SCN11A: variants seen among roughly 807,000 people sequenced by gnomAD.
SCN11A encodes sodium voltage-gated channel alpha subunit 11, also known as sodium channel protein type 11 subunit alpha.
A neutral mutation model predicts 162.2 loss-of-function variants in SCN11A; 122 were observed. That is an observed-to-expected ratio of 0.75 (90% confidence interval 0.65 to 0.87). The LOEUF (loss-of-function observed/expected upper bound fraction) is 0.87, where lower values mean the gene tolerates loss of function less well. Ranked by LOEUF, SCN11A falls within the 40% of genes least tolerant of loss-of-function variation. The pLI is 0.00. For missense variants in SCN11A, 2,015 were observed against 2,181.6 expected, an observed-to-expected ratio of 0.92 and a Z score of 1.52; for synonymous variants, 758 against 751.5, an observed-to-expected ratio of 1.01 and a Z score of -0.14.
chr3:38,920,843 A>G (rs2066037873), intron 10 of SCN11A, among the ~76,000 whole-genome samples: 1 of 152,200 alleles, frequency 6.6e-6, no homozygotes, highest in South Asian at 2.1e-4. Flanking sequence ...GGGATGGGAC[A>G]GCATAGAATT....
chr3:38,946,872 G>A lies in SCN11A; in HGVS notation c.303C>T (p.Tyr101=). 6.2e-7 allele frequency: 1 copy of A among 1,613,494 alleles called. No individual in the cohort carries two copies. The highest frequency in any genetic ancestry group is 8.5e-7 in the Non-Finnish European group (1 of 1,179,752). Residue 101 remains tyrosine (Y), a synonymous_variant, in exon 6 of 30, where the codon TAC becomes TAT. Transcript: ENST00000302328. Reference sequence around the variant, plus strand: ...ACAAGGCATGCTTGGCACTGAAGCGGTAGATTGTCCTCTTTCTGTTTAACA... The same window carrying A: ...ACAAGGCATGCTTGGCACTGAAGCGATAGATTGTCCTCTTTCTGTTTAACA... The part of the protein sequence containing the change: ...FMVLNRKRTI[Y]RFSAKHALFI...
chr3:38,977,444 G>A (rs2125589120), intron 2 of SCN11A, among the ~76,000 whole-genome samples: 1 of 152,288 alleles, frequency 6.6e-6, no homozygotes, highest in East Asian at 1.9e-4. Context: ...AGTTGTAGAT[G>A]GTAGTAATTT....
chr3:39,007,354 T>C (rs1381927223), intron 2 of SCN11A, among the ~76,000 whole-genome samples: 2 of 152,316 alleles, frequency 1.3e-5, no homozygotes, highest in African/African-American at 2.4e-5. Context: ...TGTTATAACA[T>C]TGGGTCTTAG....
intron 7 of SCN11A, among the ~76,000 whole-genome samples, chr3:38,934,153 C>A (rs1277638052): frequency 2.6e-5 from 4 of 152,152 alleles, no homozygotes; most frequent in South Asian, 2.1e-4. Context: ...GAAATAAAAT[C>A]CTTTACAGAC....
intron 19 of SCN11A, among the ~76,000 whole-genome samples, chr3:38,888,644 G>A (rs2065441841): frequency 6.6e-6 from 1 of 152,196 alleles, no homozygotes; most frequent in South Asian, 2.1e-4. Flanking sequence ...GTTCTCCCTA[G>A]GGAAATAAGC....
In SCN11A at chr3:38,950,256, T is replaced by A. The variant is rs1299725434; in HGVS notation, c.107A>T (p.Glu36Val). 1 of 1,613,938 alleles carries A rather than the reference T, an allele frequency of 6.2e-7. No homozygotes were observed. Reference sequence around the variant, plus strand: ...TGTCTGGTCTTTAGACTTCTTTTTCTCCTTTTGGATGGCAATCCGCTTCTC... The same window carrying A: ...TGTCTGGTCTTTAGACTTCTTTTTCACCTTTTGGATGGCAATCCGCTTCTC... ...AIEKRIAIQK[E>V]KKKSKDQTGE... Residue 36 changes from glutamate (E) to valine (V), a missense_variant, in exon 5 of 30, where the codon GAG (glutamate) becomes GTG (valine). Coordinates refer to ENST00000302328, the MANE Select transcript of SCN11A (RefSeq NM_001349253.2).
intron 7 of SCN11A, among the ~76,000 whole-genome samples, chr3:38,938,515 T>TATATATAC (rs1193965277): frequency 7.8e-4 from 9 of 11,550 alleles, no homozygotes; most frequent in African/African-American, 3.0e-3. Flanking sequence ...ATATCATATA[T>TATATATAC]ATATATATAT....
chr3:38,986,692 G>C (rs879403644), intron 2 of SCN11A, among the ~76,000 whole-genome samples: 1 of 152,090 alleles, frequency 6.6e-6, no homozygotes, highest in Admixed American at 6.5e-5. Context: ...ATGAGCCAGA[G>C]ATCAACCATG....
intron 2 of SCN11A, among the ~76,000 whole-genome samples, chr3:38,979,544 A>C (rs1042224026): frequency 7.9e-5 from 12 of 152,242 alleles, no homozygotes; most frequent in Admixed American, 1.3e-4. Flanking sequence ...ACAGATAGGC[A>C]GGGGCTTCCA....
At chr3:39,009,953 G>C (rs1211303459) in intron 2 of SCN11A, among the ~76,000 whole-genome samples, 1 of 150,392 alleles carries the variant, frequency 6.6e-6, no homozygotes, top group Non-Finnish European at 1.5e-5. Context: ...TCAAAGTGCT[G>C]GAATTACAGG....
chr3:38,877,065 A>G lies in SCN11A; in HGVS notation c.3393+2885T>C, dbSNP rs137960160. Among the ~76,000 whole-genome samples the G allele has an allele frequency of 5.7e-3, 748 of 131,016 alleles. 21 individuals are homozygous for G. Among genetic ancestry groups the G allele is most frequent in the African/African-American group, 0.022 (708 of 31,976 alleles). 86.0% of individuals were successfully genotyped at this position (131,016 alleles called of 152,430 possible). On this transcript the variant is annotated intron_variant, in intron 23 of 29. Transcript: ENST00000302328. ...ATGGTGTATATACTATATATATGGT[A>G]TATATATGGTGTATATACTATATAT...
intron 2 of SCN11A, among the ~76,000 whole-genome samples, chr3:39,027,102 ACT>A (rs2031607338): frequency 6.6e-6 from 1 of 151,676 alleles, no homozygotes; most frequent in Non-Finnish European, 1.5e-5. Flanking sequence ...GGAATGGGTC[ACT>A]CTACTAGAAA....
chr3:38,868,987 G>A (rs2065083664), intron 26 of SCN11A, among the ~76,000 whole-genome samples: 1 of 152,174 alleles, frequency 6.6e-6, no homozygotes, highest in African/African-American at 2.4e-5. Context: ...GGGAGGATAT[G>A]GCAGAGTACC....
chr3:39,011,522 T>C (rs2031133615), intron 2 of SCN11A, among the ~76,000 whole-genome samples: 1 of 152,190 alleles, frequency 6.6e-6, no homozygotes, highest in Non-Finnish European at 1.5e-5. Flanking sequence ...GCATTTTCCA[T>C]TTGGTGGAGG....
Position 38,920,063 on chromosome 3 carries a change from G to GT in SCN11A, c.893-63dup, listed in dbSNP as rs148537682. 33,863 of 1,249,332 alleles carry GT rather than the reference G, an allele frequency of 0.027. 772 individuals are homozygous for GT. Among genetic ancestry groups the GT allele is most frequent in the South Asian group, 0.066 (5,462 of 83,188 alleles). The allele number at this position is 1,249,332 out of a possible 1,614,324, so 77.4% of individuals were successfully genotyped here. On this transcript the variant is annotated intron_variant, in intron 10 of 29. Coordinates refer to ENST00000302328, the MANE Select transcript of SCN11A (RefSeq NM_001349253.2). ...AAAAACATTGAAAGGAAAGAGAATA[G>GT]TAAGTATGCAGATTATGCTTGAAAA...
chr3:38,991,469 G>C (rs994864709), intron 2 of SCN11A, among the ~76,000 whole-genome samples: 3 of 152,148 alleles, frequency 2.0e-5, no homozygotes, highest in African/African-American at 7.2e-5. Context: ...ACTCACAACT[G>C]TGTGTTTGCG....
In SCN11A at chr3:38,925,638, C is replaced by T. The variant is rs553220588; in HGVS notation, c.618-129G>A. 55 of 639,312 alleles carry T rather than the reference C, an allele frequency of 8.6e-5. 1 individual carries two copies. The South Asian group carries it at 1.1e-3, about 13-fold the overall frequency. The allele number at this position is 639,312 out of a possible 1,614,324, so 39.6% of individuals were successfully genotyped here. A position where few individuals can be genotyped will look rare whatever the true frequency, so the allele number is the denominator to read the frequency against. On this transcript the variant is annotated intron_variant, in intron 8 of 29. Transcript: ENST00000302328. Reference sequence around the variant, plus strand: ...TCCAAGGTGAAATCGACAGCCTCACCTTTCCAGCCCCACCTTTATCTTAGG... The same window carrying T: ...TCCAAGGTGAAATCGACAGCCTCACTTTTCCAGCCCCACCTTTATCTTAGG...
rs1339292858 is a variant in SCN11A at position 38,925,464 on chromosome 3, CA to C, written c.662del (p.Leu221ArgfsTer10). The C allele has an allele frequency of 6.2e-7, 1 of 1,613,900 alleles. No individual in the cohort carries two copies. On this transcript the variant is annotated frameshift_variant, in exon 9 of 30. Coordinates refer to ENST00000302328, the MANE Select transcript of SCN11A (RefSeq NM_001349253.2). LOFTEE classifies it high-confidence loss of function. ...IPGITIKLLP[L>X]RTFRVFRALK... ...AAGCTCTGAACACACGGAAGGTACG[CA>C]GGGGCAATAGTTTGATGGTGATTCC...
At chr3:38,864,869 CAG>C (rs1345701528) in intron 27 of SCN11A, among the ~76,000 whole-genome samples, 1 of 152,074 alleles carries the variant, frequency 6.6e-6, no homozygotes, top group African/African-American at 2.4e-5. Context: ...AAAGCTTCAA[CAG>C]AAACAAATAA....
Sources: allele counts gnomAD v4.1 joint callset (sites outside exome capture counted in the v4.1 genomes callset), GRCh38; gene constraint gnomAD v4.1.1; transcripts MANE v1.5; gene names NCBI Gene and HGNC (gene_info 2026-07-23, HGNC 2026-07-21).